TMC6: variants seen among roughly 807,000 people sequenced by gnomAD.
TMC6 encodes transmembrane channel-like protein 6.
In TMC6, 71 loss-of-function variants were observed where a neutral mutation model predicts 95.4. The observed-to-expected ratio is 0.74, with a 90% CI of 0.61 to 0.91. The LOEUF is 0.91. Ranked by LOEUF, TMC6 falls within the 40% of genes least tolerant of loss-of-function variation. The pLI is 0.00. For synonymous variants in TMC6, 514 were observed against 483.1 expected, an observed-to-expected ratio of 1.06 and a Z score of -0.84; for missense variants, 1,074 against 1,079.1, an observed-to-expected ratio of 1.00 and a Z score of 0.07.
intron 18 of TMC6, among the ~76,000 whole-genome samples, chr17:78,114,493 A>G (rs2073955174): frequency 6.6e-6 from 1 of 152,088 alleles, no homozygotes; most frequent in Non-Finnish European, 1.5e-5. Flanking sequence ...GGACTGACCC[A>G]GGGCTCTTTC....
rs369563274 is a variant in TMC6 at position 78,116,679 on chromosome 17, G to A, written c.2277+590C>T. Among the ~76,000 whole-genome samples the A allele has an allele frequency of 1.4e-4, 21 of 152,154 alleles. No homozygotes were observed. In the East Asian group the frequency reaches 2.3e-3, roughly 17 times the overall value. ...GGTGGGTGGATTGCCTCAGGAGCTC[G>A]AGACCAGCCTGGGCAACACAGTGAA... On this transcript the variant is annotated intron_variant, in intron 18 of 19. Transcript: ENST00000590602.
Position 78,125,188 on chromosome 17 carries a change from G to A in TMC6, c.506C>T (p.Pro169Leu). 1 of 1,583,568 alleles carries A rather than the reference G, an allele frequency of 6.3e-7. No homozygotes were observed. The highest frequency in any genetic ancestry group is 2.3e-5 in the East Asian group (1 of 43,590). The change falls in exon 6 of 20, where the codon CCC becomes CTC. Residue 169 changes from proline (P) to leucine (L), a missense_variant. By Grantham distance (98) the Pro-to-Leu change is moderately conservative. Transcript: ENST00000590602. Reference protein sequence around the residue: ...AQRDHMLRGMPLSLAEKRSLR... With the variant: ...AQRDHMLRGMLLSLAEKRSLR... ...GCTGCGTTTCTCAGCCAGGCTTAAG[G>A]GCATCCCGCGAAGCATGTGGTCCCG...
rs1286556530 is a variant in TMC6, at chr17:78,122,446, T to C, written c.1227+159A>G. On this transcript the variant is annotated intron_variant, in intron 10 of 19. Transcript: ENST00000590602. The surrounding 1 kb of genome is among the most constrained non-coding windows in gnomAD (Gnocchi z 4.9). ...GAAAAACTCAGGGCCTGCCCGTCAC[T>C]GCAAGCAGAAGACCACGCCTGCCCA... 4 of 1,096,758 alleles carry C rather than the reference T, an allele frequency of 3.6e-6. No homozygotes were observed. The East Asian group carries it at 1.0e-4, about 29-fold the overall frequency. 67.9% of individuals were successfully genotyped at this position (1,096,758 alleles called of 1,614,324 possible).
chr17:78,128,810 G>C (rs1222330009), upstream of TMC6: 38 of 146,766 alleles, frequency 2.6e-4, no homozygotes, highest in African/African-American at 9.1e-4. The surrounding 1 kb of genome is among the most constrained non-coding windows in gnomAD (Gnocchi z 4.0). Context: ...GGGGGGGGGG[G>C]GGCGGGCCTC....
At chr17:78,118,100 C>G in intron 15 of TMC6, 165 bp from the exon 16 acceptor site, 1 of 1,271,610 alleles carries the variant, frequency 7.9e-7, no homozygotes, top group Non-Finnish European at 1.1e-6. Flanking sequence ...AGAAGCCTGC[C>G]GGTCACTTGC....
At chr17:78,129,447 A>C (rs1476991737), upstream of TMC6, among the ~76,000 whole-genome samples, 1 of 152,162 alleles carries the variant, frequency 6.6e-6, no homozygotes, top group Non-Finnish European at 1.5e-5. This position sits in a 1 kb window ranked among gnomAD's most constrained non-coding sequence, Gnocchi z 4.3. Context: ...CCCCAGCCAA[A>C]GCAGGAGACT....
Position 78,121,797 on chromosome 17 carries a change from C to T in TMC6, c.1228-86G>A, listed in dbSNP as rs2074428930. The T allele has an allele frequency of 2.0e-6, 3 of 1,472,544 alleles. No homozygotes were observed. Among genetic ancestry groups the T allele is most frequent in the Admixed American group, 2.1e-5 (1 of 46,974 alleles). 91.2% of individuals were successfully genotyped at this position (1,472,544 alleles called of 1,614,324 possible). ...GACACAGCACAACACACACAACACACATGAGACACACCAGGAGGCTTGAAC... is the reference window on the plus strand; with the variant it reads ...GACACAGCACAACACACACAACACATATGAGACACACCAGGAGGCTTGAAC... On this transcript the variant is annotated intron_variant, in intron 10 of 19. Coordinates refer to ENST00000590602, the MANE Select transcript of TMC6 (RefSeq NM_001127198.5). The surrounding 1 kb of genome is among the most constrained non-coding windows in gnomAD (Gnocchi z 5.6).
At chr17:78,131,768 T>TGG (rs571238694), upstream of TMC6, 5,836 of 1,561,014 alleles carry the variant, frequency 3.7e-3, 129 homozygotes, top group African/African-American at 0.067. Flanking sequence ...AGACGGTGCG[T>TGG]GGGGGGGGTG....
rs1305081690 is a variant in TMC6 at position 78,119,406 on chromosome 17, C to T, written c.1716-14G>A. On this transcript the variant is annotated splice_polypyrimidine_tract_variant and intron_variant, in intron 13 of 19. Transcript: ENST00000590602. ...TCGGAGATAATCCTGCCTCCGAGGA[C>T]CCCGGATCGTTAGATGGGAAAGCCA... The T allele has an allele frequency of 1.2e-6, 2 of 1,613,598 alleles. No individual in the cohort carries two copies. Among genetic ancestry groups the T allele is most frequent in the Non-Finnish European group, 1.7e-6 (2 of 1,179,810 alleles).
chr17:78,119,669 C>T, intron 13 of TMC6: 1 of 491,492 alleles, frequency 2.0e-6, no homozygotes, highest in Non-Finnish European at 3.7e-6. Flanking sequence ...GGGTCTGGCT[C>T]TGTTGTCCGG....
chr17:78,117,166 C>G, intron 18 of TMC6, 103 bp downstream of exon 18: 1 of 1,289,434 alleles, frequency 7.8e-7, no homozygotes, highest in Non-Finnish European at 1.1e-6. Context: ...AACCCTTTCA[C>G]CAGCCAAGGC....
chr17:78,121,132 C>T lies in TMC6; in HGVS notation c.1416G>A (p.Leu472=), dbSNP rs772055852. 2 of 1,607,076 alleles carry T rather than the reference C, an allele frequency of 1.2e-6. No homozygotes were observed. The highest frequency in any genetic ancestry group is 2.2e-5 in the South Asian group (2 of 90,460). Residue 472 remains leucine (L), a synonymous_variant, in exon 12 of 20, where the codon CTG becomes CTA. Transcript: ENST00000590602. The surrounding 1 kb of genome is among the most constrained non-coding windows in gnomAD (Gnocchi z 5.6). ...SPEAAGQEAV[L]LVLPLVVGLL... is the part of the protein sequence containing the mutation. ...GGCCAACCACCAGGGGCAGGACCAG[C>T]AGCACAGCCTCCTGGCCAGCAGCCT... is the stretch of plus-strand genomic sequence containing the variant.
intron 18 of TMC6, among the ~76,000 whole-genome samples, chr17:78,114,708 G>A (rs986694830): frequency 6.6e-6 from 1 of 152,112 alleles, no homozygotes; most frequent in Admixed American, 6.6e-5. Context: ...ATACCTTCAA[G>A]GAGAGACCAT....
chr17:78,122,626 G>A lies in TMC6; in HGVS notation c.1206C>T (p.Asp402=). 6.2e-7 allele frequency: 1 copy of A among 1,611,662 alleles called. No homozygotes were observed. Among genetic ancestry groups the A allele is most frequent in the Non-Finnish European group, 8.5e-7 (1 of 1,179,940 alleles). Residue 402 remains aspartate (D), a synonymous_variant, in exon 10 of 20, where the codon GAC becomes GAT. Transcript: ENST00000590602. The surrounding 1 kb of genome is among the most constrained non-coding windows in gnomAD (Gnocchi z 4.9). ...TQKRASRLQQ[D]NIRTRLKELL... is the part of the protein sequence containing the mutation. ...TCACCTTCAGCCGGGTGCGAATATT[G>A]TCCTGCTGGAGGCGGGAGGCCCGCT...
At chr17:78,130,260 A>G (rs2074927495), upstream of TMC6, among the ~76,000 whole-genome samples, 1 of 152,128 alleles carries the variant, frequency 6.6e-6, no homozygotes, top group Non-Finnish European at 1.5e-5. Flanking sequence ...TAACACCAAG[A>G]GTATCTGGAA....
At chr17:78,124,408 G>T (rs893265648) in intron 8 of TMC6, 116 bp downstream of exon 8, 98 of 1,513,838 alleles carry the variant, frequency 6.5e-5, no homozygotes, top group Non-Finnish European at 8.6e-5. Flanking sequence ...TGGCCACCTG[G>T]AGTCACAGCG....
chr17:78,121,026 C>G lies in TMC6; in HGVS notation c.1522G>C (p.Val508Leu), dbSNP rs1273438063. Residue 508 changes from valine to leucine, a missense_variant, in exon 12 of 20, where the codon GTG becomes CTG. Physicochemically the swap from Val to Leu is conservative, Grantham distance 32. Coordinates refer to ENST00000590602, the MANE Select transcript of TMC6 (RefSeq NM_001127198.5). This position sits in a 1 kb window ranked among gnomAD's most constrained non-coding sequence, Gnocchi z 5.6. ...PHDSPVLEVY[V>L]AICRNLILKL... is the part of the protein sequence containing the mutation. ...GCGGCCACACACCTGCAGATGGCCA[C>G]GTACACCTCCAGTACCGGGGAGTCA... 3 of 1,613,266 alleles carry G rather than the reference C, an allele frequency of 1.9e-6. No individual in the cohort carries two copies. The highest frequency in any genetic ancestry group is 1.7e-5 in the Admixed American group (1 of 60,004).
In TMC6 at chr17:78,123,869, G is replaced by A. The variant is rs2074557000; in HGVS notation, c.1082+120C>T. The A allele has an allele frequency of 2.2e-6, 3 of 1,341,940 alleles. No homozygotes were observed. In the East Asian group the frequency reaches 7.3e-5, roughly 33 times the overall value. The allele number at this position is 1,341,940 out of a possible 1,614,324, so 83.1% of individuals were successfully genotyped here. A position where few individuals can be genotyped will look rare whatever the true frequency, so the allele number is the denominator to read the frequency against. ...GATAGTTGGATAGGTGAGTGGATGA[G>A]AGCAGACAGGTAGATGGACAGAAGG... On this transcript the variant is annotated intron_variant, in intron 9 of 19. Coordinates refer to ENST00000590602, the MANE Select transcript of TMC6 (RefSeq NM_001127198.5).
At chr17:78,125,043 C>G in intron 6 of TMC6, 58 bp from the exon 7 acceptor site, 1 of 1,542,742 alleles carries the variant, frequency 6.5e-7, no homozygotes, top group Non-Finnish European at 8.7e-7. Context: ...CTCTCTCCTT[C>G]CTGGAGACCG....
Sources: gnomAD v4.1 joint callset for allele counts (sites outside exome capture counted in the v4.1 genomes callset) on GRCh38, gnomAD v4.1.1 for gene constraint, Gnocchi (gnomAD v3.1) non-coding constraint, MANE v1.5 for transcripts, NCBI Gene and HGNC (gene_info 2026-07-23, HGNC 2026-07-21) for gene names.